Variants in EYA1 observed in about 807,000 individuals in gnomAD.
EYA1 encodes EYA transcriptional coactivator and phosphatase 1, also known as protein phosphatase EYA1.
A neutral mutation model predicts 82.0 loss-of-function variants in EYA1; 16 were observed. The observed-to-expected ratio is 0.20, with a 90% CI of 0.13 to 0.30. The LOEUF is 0.30. EYA1 is among the 10% of genes least tolerant of loss of function. EYA1 has a pLI of 1.00. For missense variants in EYA1, 633 were observed against 730.7 expected (o/e 0.87, Z 1.54); for synonymous variants, 261 against 264.4 (o/e 0.99, Z 0.12).
At chr8:71,297,685 T>C (rs1261551733) in intron 9 of EYA1, among the ~76,000 whole-genome samples, 1 of 152,160 alleles carries the variant, frequency 6.6e-6, no homozygotes, top group Non-Finnish European at 1.5e-5. Flanking sequence ...TTTATGTAAG[T>C]AGAGAAAGTT....
chr8:71,310,705 C>G (rs1821244930), intron 7 of EYA1, among the ~76,000 whole-genome samples: 1 of 152,062 alleles, frequency 6.6e-6, no homozygotes, highest in African/African-American at 2.4e-5. Flanking sequence ...TGTCTTTGCT[C>G]TTCTAAATGG....
chr8:71,392,525 C>T (rs1298379871), intron 2 of EYA1, among the ~76,000 whole-genome samples: 1 of 152,104 alleles, frequency 6.6e-6, no homozygotes, highest in Non-Finnish European at 1.5e-5. Flanking sequence ...TTGTATTTTG[C>T]TCAGAGGTCC....
At chr8:71,283,844 G>A (rs529096138) in intron 9 of EYA1, among the ~76,000 whole-genome samples, 1 of 152,258 alleles carries the variant, frequency 6.6e-6, no homozygotes, top group African/African-American at 2.4e-5. Flanking sequence ...GGAGAGAACA[G>A]GGCTTCTTCT....
intron 12 of EYA1, among the ~76,000 whole-genome samples, chr8:71,226,608 ACACTGAGTCTC>A (rs1259633983): frequency 6.7e-6 from 1 of 149,120 alleles, no homozygotes; most frequent in Non-Finnish European, 1.5e-5. Flanking sequence ...AAACTGTTCA[ACACTGAGTCTC>A]TAAAGGTAAT....
chr8:71,476,100 T>C (rs1809638755), intron 2 of EYA1, among the ~76,000 whole-genome samples: 1 of 152,186 alleles, frequency 6.6e-6, no homozygotes. Context: ...AACAACTTTC[T>C]GTTCTTCTCT....
chr8:71,274,665 C>T (rs1816917740), intron 9 of EYA1, among the ~76,000 whole-genome samples: 1 of 151,990 alleles, frequency 6.6e-6, no homozygotes, highest in Admixed American at 6.6e-5. Context: ...GACTTGTGGA[C>T]AAAAATGAGA....
At chr8:71,254,243 C>CAAAAAA (rs56047377) in intron 11 of EYA1, among the ~76,000 whole-genome samples, 2,377 of 50,796 alleles carry the variant, frequency 0.047, 1 homozygote, top group East Asian at 0.096. Flanking sequence ...AAGTCTTGGC[C>CAAAAAA]AAAAAAAAAA....
chr8:71,290,541 T>C (rs1345515755), intron 9 of EYA1, among the ~76,000 whole-genome samples: 1 of 152,150 alleles, frequency 6.6e-6, no homozygotes, highest in Admixed American at 6.5e-5. Flanking sequence ...GAATTACATA[T>C]TTAAATCCAG....
intron 12 of EYA1, among the ~76,000 whole-genome samples, chr8:71,235,580 A>G (rs1475090271): frequency 6.6e-6 from 1 of 152,090 alleles, no homozygotes; most frequent in Non-Finnish European, 1.5e-5. Flanking sequence ...GCTTCATAGC[A>G]CTTATCTCTG....
chr8:71,266,187 T>C (rs1289307898), intron 11 of EYA1, among the ~76,000 whole-genome samples: 1 of 152,212 alleles, frequency 6.6e-6, no homozygotes, highest in African/African-American at 2.4e-5. Context: ...CAGGCATTCA[T>C]TCTTTATATA....
chr8:71,403,906 G>T (rs1038776242), intron 2 of EYA1: 4 of 152,186 alleles, frequency 2.6e-5, no homozygotes, highest in Non-Finnish European at 5.9e-5. Flanking sequence ...TGGAGGGAAG[G>T]TTATTATCTT....
chr8:71,313,534 A>T (rs1258769283), intron 7 of EYA1, among the ~76,000 whole-genome samples: 1 of 152,180 alleles, frequency 6.6e-6, no homozygotes, highest in Non-Finnish European at 1.5e-5. Context: ...AATTGACAAC[A>T]ATCATTTGAG....
intron 11 of EYA1, among the ~76,000 whole-genome samples, chr8:71,258,481 C>T (rs568642175): frequency 6.6e-6 from 1 of 152,286 alleles, no homozygotes; most frequent in South Asian, 2.1e-4. Flanking sequence ...AGAAGCCTAA[C>T]GTTCTGAGTA....
chr8:71,502,311 C>T (rs1234472887), intron 2 of EYA1, among the ~76,000 whole-genome samples: 1 of 152,194 alleles, frequency 6.6e-6, no homozygotes, highest in African/African-American at 2.4e-5. Flanking sequence ...AGTTTCCCCT[C>T]TCATTCTTCT....
intron 2 of EYA1, among the ~76,000 whole-genome samples, chr8:71,444,262 A>G (rs73296376): frequency 3.9e-5 from 6 of 152,346 alleles, no homozygotes; most frequent in African/African-American, 1.4e-4. Context: ...TGACCAGGAT[A>G]AGTCAGAATT....
intron 16 of EYA1, among the ~76,000 whole-genome samples, chr8:71,214,898 C>A (rs1808985953): frequency 6.6e-6 from 1 of 152,148 alleles, no homozygotes; most frequent in Non-Finnish European, 1.5e-5. Context: ...TTCCTCCCAA[C>A]TATGTTTCTT....
intron 2 of EYA1, among the ~76,000 whole-genome samples, chr8:71,390,884 T>G (rs1023103399): frequency 1.3e-5 from 2 of 152,176 alleles, no homozygotes; most frequent in Non-Finnish European, 2.9e-5. Flanking sequence ...ACTCACTCTT[T>G]CCTTTGTCAT....
intron 2 of EYA1, among the ~76,000 whole-genome samples, chr8:71,486,389 C>A (rs190385011): frequency 6.6e-6 from 1 of 152,176 alleles, no homozygotes; most frequent in African/African-American, 2.4e-5. Flanking sequence ...CATTCGTTTC[C>A]CCTCATGCTC....
At chr8:71,240,804 C>T (rs1812388524) in intron 12 of EYA1, among the ~76,000 whole-genome samples, 1 of 152,214 alleles carries the variant, frequency 6.6e-6, no homozygotes, top group African/African-American at 2.4e-5. Flanking sequence ...TGACCAGCAG[C>T]AGGTTAAACT....
Sources: allele counts gnomAD v4.1 joint callset (sites outside exome capture counted in the v4.1 genomes callset), GRCh38; gene constraint gnomAD v4.1.1; transcripts MANE v1.5; gene names NCBI Gene and HGNC (gene_info 2026-07-23, HGNC 2026-07-21).